DIAPH2: variants seen among roughly 807,000 people sequenced by gnomAD.
DIAPH2 encodes the protein protein diaphanous homolog 2.
DIAPH2 carries 35 observed loss-of-function variants against 92.7 expected under a neutral mutation model. That is an observed-to-expected ratio of 0.38 (90% confidence interval 0.29 to 0.50). The LOEUF is 0.50. Among genes scored for constraint, DIAPH2 ranks in the 20% least tolerant of loss-of-function variants. The pLI, the probability that DIAPH2 is intolerant of heterozygous loss-of-function variation, is 0.94. For synonymous variants in DIAPH2, 301 were observed against 280.4 expected (o/e 1.07, Z -0.73); for missense variants, 701 against 819.5 (o/e 0.86, Z 1.77).
intron 23 of DIAPH2, among the ~76,000 whole-genome samples, chrX:97,338,161 C>T (rs1236057925): frequency 1.8e-5 from 2 of 110,936 alleles, no homozygotes; most frequent in South Asian, 3.8e-4. Flanking sequence ...CGTGAGCCAC[C>T]GTACCTGGCC....
intron 22 of DIAPH2, among the ~76,000 whole-genome samples, chrX:97,205,997 C>T (rs1466627747): frequency 9.0e-6 from 1 of 111,424 alleles, no homozygotes; most frequent in East Asian, 2.8e-4. Context: ...AGATCATGTC[C>T]TTTGCAGGGA....
intron 25 of DIAPH2, among the ~76,000 whole-genome samples, chrX:97,418,154 A>T (rs1258050648): frequency 8.9e-6 from 1 of 112,410 alleles, no homozygotes; most frequent in African/African-American, 3.2e-5. Flanking sequence ...ACTGTGGATA[A>T]CTGAAGCCAT....
At chrX:97,352,480 A>G (rs1465392008) in intron 24 of DIAPH2, among the ~76,000 whole-genome samples, 1 of 110,668 alleles carries the variant, frequency 9.0e-6, no homozygotes, top group Non-Finnish European at 1.9e-5. Flanking sequence ...TGAATGTACA[A>G]TATATTGGTA....
chrX:96,700,521 T>A (rs1479230687), intron 1 of DIAPH2, among the ~76,000 whole-genome samples: 1 of 112,715 alleles, frequency 8.9e-6, no homozygotes, highest in Non-Finnish European at 1.9e-5. Flanking sequence ...TACTTTGACA[T>A]CTAAGTTTGA....
intron 26 of DIAPH2, among the ~76,000 whole-genome samples, chrX:97,498,046 AAG>A (rs1344080438): frequency 9.0e-6 from 1 of 111,460 alleles, no homozygotes; most frequent in Non-Finnish European, 1.9e-5. Flanking sequence ...GTGGCTCTGG[AAG>A]TCTGACAGCA....
rs140228990 is a variant in DIAPH2 at position 97,306,737 on chromosome X, C to T, written c.2845-41379C>T. Among the ~76,000 whole-genome samples the T allele has an allele frequency of 5.5e-4, 61 of 111,913 alleles. No individual in the cohort carries two copies. In the East Asian group the frequency reaches 0.015, roughly 27 times the overall value. On this transcript the variant is annotated intron_variant, in intron 23 of 26. Coordinates refer to ENST00000324765, the MANE Select transcript of DIAPH2 (RefSeq NM_006729.5). ...GGCCACAGTAACAAATTCATTTCCT[C>T]GTGAGTATTTGTTCTTACTTATCCA...
intron 25 of DIAPH2, among the ~76,000 whole-genome samples, chrX:97,422,306 T>TTTG (rs1410608211): frequency 9.0e-6 from 1 of 111,515 alleles, no homozygotes; most frequent in African/African-American, 3.3e-5. Context: ...TAAATCTGTT[T>TTTG]TTGTGTCTTT....
At position 97,473,342 on chromosome X, in the gene DIAPH2, AATTT is replaced by A. The variant is rs768797376; in HGVS notation, c.3241+43602_3241+43605del. On this transcript the variant is annotated intron_variant, in intron 26 of 26. Transcript: ENST00000324765. ...TTTTTAAAAAATTAATTAATTAATT[AATTT>A]ATTTTTGAGACAGAGTCTTGCTGTG... Among the ~76,000 whole-genome samples, 594 of 111,003 alleles carry A rather than the reference AATTT, an allele frequency of 5.4e-3. 2 individuals carry two copies. The highest frequency in any genetic ancestry group is 0.018 in the African/African-American group (563 of 30,561).
chrX:96,784,387 A>G (rs948644621), intron 4 of DIAPH2, among the ~76,000 whole-genome samples: 1 of 112,023 alleles, frequency 8.9e-6, no homozygotes, highest in Non-Finnish European at 1.9e-5. Context: ...TCTTGTAGTT[A>G]TAGATATATG....
At chrX:96,766,948 G>A (rs1483902293) in intron 4 of DIAPH2, among the ~76,000 whole-genome samples, 2 of 111,910 alleles carry the variant, frequency 1.8e-5, no homozygotes, top group African/African-American at 6.5e-5. Context: ...GCCTCAGGCA[G>A]TATTGCTTCT....
intron 22 of DIAPH2, among the ~76,000 whole-genome samples, chrX:97,182,317 A>G (rs961497401): frequency 1.8e-5 from 2 of 112,118 alleles, no homozygotes; most frequent in African/African-American, 6.5e-5. Context: ...GGATATGTGT[A>G]TAGTACTGAG....
At chrX:96,759,116 T>C (rs2064251655) in intron 4 of DIAPH2, among the ~76,000 whole-genome samples, 1 of 111,218 alleles carries the variant, frequency 9.0e-6, no homozygotes, top group Non-Finnish European at 1.9e-5. Flanking sequence ...TGTGTATACA[T>C]ATGCATGTAC....
intron 23 of DIAPH2, among the ~76,000 whole-genome samples, chrX:97,283,301 A>C (rs1425980620): frequency 9.0e-6 from 1 of 111,583 alleles, no homozygotes; most frequent in Non-Finnish European, 1.9e-5. Context: ...GGTGGTAGTG[A>C]TGATGATGAT....
chrX:97,556,686 A>G (rs985489294), intron 26 of DIAPH2, among the ~76,000 whole-genome samples: 21 of 111,705 alleles, frequency 1.9e-4, no homozygotes, highest in African/African-American at 6.5e-4. Flanking sequence ...TTATTTCCAA[A>G]TATGGCTACA....
At chrX:96,743,874 C>A (rs2064134185) in intron 3 of DIAPH2, among the ~76,000 whole-genome samples, 1 of 111,693 alleles carries the variant, frequency 9.0e-6, no homozygotes, top group Non-Finnish European at 1.9e-5. Flanking sequence ...TGAGGTAATG[C>A]ACATATTAAT....
At chrX:96,994,231 T>C (rs892383581) in intron 17 of DIAPH2, among the ~76,000 whole-genome samples, 1 of 111,320 alleles carries the variant, frequency 9.0e-6, no homozygotes, top group African/African-American at 3.3e-5. Context: ...GAGCTAAATA[T>C]TTAGAAAGTG....
At chrX:97,070,394 A>G (rs969683995) in intron 17 of DIAPH2, among the ~76,000 whole-genome samples, 5 of 112,065 alleles carry the variant, frequency 4.5e-5, no homozygotes, top group African/African-American at 1.6e-4. Context: ...ACCATTAGAA[A>G]CATACAGAAT....
chrX:96,859,205 A>G (rs769959452), intron 4 of DIAPH2, among the ~76,000 whole-genome samples: 29 of 111,251 alleles, frequency 2.6e-4, no homozygotes, highest in Non-Finnish European at 4.7e-4. Flanking sequence ...GTATAAGCTG[A>G]TTTTAATAAG....
intron 26 of DIAPH2, among the ~76,000 whole-genome samples, chrX:97,595,212 A>T (rs1205013392): frequency 2.7e-5 from 3 of 112,610 alleles, no homozygotes; most frequent in Non-Finnish European, 5.6e-5. Context: ...ACTTTGTGAC[A>T]TCCAGGTATT....
Sources: allele counts gnomAD v4.1 joint callset (sites outside exome capture counted in the v4.1 genomes callset), GRCh38; gene constraint gnomAD v4.1.1; transcripts MANE v1.5; gene names NCBI Gene and HGNC (gene_info 2026-07-23, HGNC 2026-07-21).